ASB18: variants seen among roughly 807,000 people sequenced by gnomAD.
The protein encoded by ASB18 is ankyrin repeat and SOCS box protein 18.
A neutral mutation model predicts 33.4 loss-of-function variants in ASB18; 33 were observed. The observed-to-expected ratio is 0.99, with a 90% confidence interval of 0.75 to 1.32. ASB18 has a LOEUF of 1.32. ASB18 is among the 40% of genes most tolerant of loss of function. The pLI is 0.00. For missense variants in ASB18, 694 were observed against 655.5 expected, an observed-to-expected ratio of 1.06 and a Z score of -0.64; for synonymous variants, 295 against 307.6, an observed-to-expected ratio of 0.96 and a Z score of 0.43.
chr2:236,240,549 G>A (rs1381713577), intron 2 of ASB18, among the ~76,000 whole-genome samples: 1 of 152,248 alleles, frequency 6.6e-6, no homozygotes, highest in Admixed American at 6.5e-5. Context: ...CTGAGCTGGT[G>A]GCGGGTGGGG....
rs7582861 is a variant in ASB18 at position 236,221,244 on chromosome 2, A to G, written c.597-6378T>C. Among the ~76,000 whole-genome samples, 152 of 141,490 alleles carry G rather than the reference A, an allele frequency of 1.1e-3. No individual in the cohort carries two copies. Among genetic ancestry groups the G allele is most frequent in the African/African-American group, 3.9e-3 (147 of 38,126 alleles). The allele number at this position is 141,490 out of a possible 152,430, so 92.8% of individuals were successfully genotyped here. A position where few individuals can be genotyped will look rare whatever the true frequency, so the allele number is the denominator to read the frequency against. The stretch of plus-strand genomic sequence containing the variant: ...GCAATGCAACAACAACAACAACAAC[A>G]ACAAACAGCTGCTAAAAATAAGGCT... On this transcript the variant is annotated intron_variant, in intron 3 of 5. Transcript: ENST00000409749. This position sits in a 1 kb window ranked among gnomAD's most constrained non-coding sequence, Gnocchi z 5.6.
chr2:236,224,588 A>G (rs1385282410), intron 3 of ASB18, among the ~76,000 whole-genome samples: 1 of 152,182 alleles, frequency 6.6e-6, no homozygotes, highest in Non-Finnish European at 1.5e-5. Flanking sequence ...AGGAGATGCA[A>G]TCTTTTAGCA....
At position 236,249,787 on chromosome 2, in the gene ASB18, G is replaced by A. The variant is rs1370922565; in HGVS notation, c.206-8385C>T. ...AGTGAATTTAGGAAAAGGAAGGCAA[G>A]AATCCAAGCAGGAGAGGAGGCCCGG... On this transcript the variant is annotated intron_variant, in intron 1 of 5. Coordinates refer to ENST00000409749, the MANE Select transcript of ASB18 (RefSeq NM_212556.4). The surrounding 1 kb of genome is among the most constrained non-coding windows in gnomAD (Gnocchi z 4.6). 6.6e-6 allele frequency: 1 copy of A among 152,152 alleles called. No individual in the cohort carries two copies. The highest frequency in any genetic ancestry group is 1.5e-5 in the Non-Finnish European group (1 of 68,036). 9.4% of individuals were successfully genotyped at this position (152,152 alleles called of 1,614,324 possible). A position where few individuals can be genotyped will look rare whatever the true frequency, so the allele number is the denominator to read the frequency against.
At position 236,259,288 on chromosome 2, in the gene ASB18, A is replaced by G. The variant is rs2317421; in HGVS notation, c.205+4853T>C. ...CAGCTGAAGGTGAGCAAAGGAGCTTAGCTCTTCCATGCCAATCACTGCACC... is the reference window on the plus strand; with the variant it reads ...CAGCTGAAGGTGAGCAAAGGAGCTTGGCTCTTCCATGCCAATCACTGCACC... On this transcript the variant is annotated intron_variant, in intron 1 of 5. Transcript: ENST00000409749. The surrounding 1 kb of genome is among the most constrained non-coding windows in gnomAD (Gnocchi z 4.4). Among the ~76,000 whole-genome samples the G allele has an allele frequency of 0.094, 14,367 of 152,254 alleles. 1,213 individuals are homozygous for G. The highest frequency in any genetic ancestry group is 0.23 in the African/African-American group (9,485 of 41,526).
rs2060493353 is a variant in ASB18 at position 236,217,457 on chromosome 2, G to A, written c.597-2591C>T. 6.6e-6 allele frequency among the ~76,000 whole-genome samples: 1 copy of A among 151,778 alleles called. No homozygotes were observed. The highest frequency in any genetic ancestry group is 2.4e-5 in the African/African-American group (1 of 41,240). On this transcript the variant is annotated intron_variant, in intron 3 of 5. Transcript: ENST00000409749. The surrounding 1 kb of genome is among the most constrained non-coding windows in gnomAD (Gnocchi z 5.2). ...TCTTGGCACCTTCAACTCCTTGGGT[G>A]TAGAAATGGAGGCTTTGTTTATCTC... is the stretch of plus-strand genomic sequence containing the variant.
At position 236,263,970 on chromosome 2, in the gene ASB18, T is replaced by C. The variant is rs1304440750; in HGVS notation, c.205+171A>G. On this transcript the variant is annotated intron_variant, in intron 1 of 5. Coordinates refer to ENST00000409749, the MANE Select transcript of ASB18 (RefSeq NM_212556.4). The surrounding 1 kb of genome is among the most constrained non-coding windows in gnomAD (Gnocchi z 4.0). ...ACTTGTTGCTTATGTCGCACACGCATGTACATGGTCTATGCAGTACACATA... is the reference window on the plus strand; with the variant it reads ...ACTTGTTGCTTATGTCGCACACGCACGTACATGGTCTATGCAGTACACATA... Among the ~76,000 whole-genome samples the C allele has an allele frequency of 6.6e-6, 1 of 152,236 alleles. No individual in the cohort carries two copies. The highest frequency in any genetic ancestry group is 1.5e-5 in the Non-Finnish European group (1 of 68,046).
chr2:236,195,952 C>G lies in ASB18; in HGVS notation c.1215+320G>C. On this transcript the variant is annotated intron_variant, in intron 5 of 5. Transcript: ENST00000409749. The surrounding 1 kb of genome is among the most constrained non-coding windows in gnomAD (Gnocchi z 5.5). The stretch of plus-strand genomic sequence containing the variant: ...ACAGGGCCGGATTAGTATGTCCTGA[C>G]GTGGAGCTAGGCCCGTGGATTCAGG... The G allele has an allele frequency of 2.6e-6, 1 of 389,238 alleles. No individual in the cohort carries two copies. The highest frequency in any genetic ancestry group is 2.1e-5 in the African/African-American group (1 of 48,316). 24.1% of individuals were successfully genotyped at this position (389,238 alleles called of 1,614,324 possible). A position where few individuals can be genotyped will look rare whatever the true frequency, so the allele number is the denominator to read the frequency against.
At position 236,259,515 on chromosome 2, in the gene ASB18, C is replaced by A. The variant is rs552978486; in HGVS notation, c.205+4626G>T. On this transcript the variant is annotated intron_variant, in intron 1 of 5. Transcript: ENST00000409749. This position sits in a 1 kb window ranked among gnomAD's most constrained non-coding sequence, Gnocchi z 4.4. ...TTTATGCTTTCATGCAGGGAGGATGCACGATTTCTGTCCCAGTGGGAAGGG... is the reference window on the plus strand; with the variant it reads ...TTTATGCTTTCATGCAGGGAGGATGAACGATTTCTGTCCCAGTGGGAAGGG... The A allele has an allele frequency of 2.1e-6, 1 of 470,936 alleles. No individual in the cohort carries two copies. The highest frequency in any genetic ancestry group is 2.0e-5 in the African/African-American group (1 of 50,088). The allele number at this position is 470,936 out of a possible 1,614,324, so 29.2% of individuals were successfully genotyped here.
At position 236,255,617 on chromosome 2, in the gene ASB18, T is replaced by G. The variant is rs1293974858; in HGVS notation, c.205+8524A>C. 6.6e-6 allele frequency among the ~76,000 whole-genome samples: 1 copy of G among 152,240 alleles called. No homozygotes were observed. Among genetic ancestry groups the G allele is most frequent in the East Asian group, 1.9e-4 (1 of 5,200 alleles). On this transcript the variant is annotated intron_variant, in intron 1 of 5. Coordinates refer to ENST00000409749, the MANE Select transcript of ASB18 (RefSeq NM_212556.4). This position sits in a 1 kb window ranked among gnomAD's most constrained non-coding sequence, Gnocchi z 4.4. ...CTCTCCTGGCACCTGTCCTTTCTCC[T>G]CTATCTTCTGCTTTACCTAAGTAAA...
At chr2:236,230,759 A>G (rs2060560369) in intron 3 of ASB18, among the ~76,000 whole-genome samples, 1 of 151,842 alleles carries the variant, frequency 6.6e-6, no homozygotes, top group Admixed American at 6.6e-5. Context: ...AGATAAAATG[A>G]AATCATTAAA....
chr2:236,206,051 G>A (rs892762240), intron 4 of ASB18, among the ~76,000 whole-genome samples: 4 of 152,186 alleles, frequency 2.6e-5, no homozygotes, highest in Admixed American at 2.6e-4. Flanking sequence ...GACTTTCAGT[G>A]CAGCTAAGTT....
rs558445681 is a variant in ASB18 at position 236,260,072 on chromosome 2, T to G, written c.205+4069A>C. On this transcript the variant is annotated intron_variant, in intron 1 of 5. Transcript: ENST00000409749. This position sits in a 1 kb window ranked among gnomAD's most constrained non-coding sequence, Gnocchi z 5.1. ...TAAGTTCACAGGCCGATGAGCATGG[T>G]GATTGCACTGCAAGAGGCAAGGTCC... 2.0e-5 allele frequency among the ~76,000 whole-genome samples: 3 copies of G among 152,360 alleles called. No individual in the cohort carries two copies. In the South Asian group the frequency reaches 6.2e-4, roughly 32 times the overall value.
At position 236,264,307 on chromosome 2, in the gene ASB18, GTT is replaced by G. The variant is rs779720714; in HGVS notation, c.37_38del (p.Asn13LeufsTer16). 6.2e-7 allele frequency: 1 copy of G among 1,614,006 alleles called. No individual in the cohort carries two copies. Among genetic ancestry groups the G allele is most frequent in the South Asian group, 1.1e-5 (1 of 91,086 alleles). On this transcript the variant is annotated frameshift_variant, in exon 1 of 6. Coordinates refer to ENST00000409749, the MANE Select transcript of ASB18 (RefSeq NM_212556.4). LOFTEE classifies it high-confidence loss of function. The surrounding 1 kb of genome is among the most constrained non-coding windows in gnomAD (Gnocchi z 5.1). ...NSDYLPDYPLNSDLVKRLKSA... is the reference protein window; with the variant it reads ...NSDYLPDYPLXSDLVKRLKSA... ...ACTTTAATCTCTTCACTAAATCTGA[GTT>G]GAGTGGGTAGTCGGGAAGGTAATCC... is the stretch of plus-strand genomic sequence containing the variant.
In ASB18 at chr2:236,245,506, G is replaced by A. The variant is rs1240137098; in HGVS notation, c.206-4104C>T. Among the ~76,000 whole-genome samples, 1 of 152,202 alleles carries A rather than the reference G, an allele frequency of 6.6e-6. No individual in the cohort carries two copies. The highest frequency in any genetic ancestry group is 2.4e-5 in the African/African-American group (1 of 41,450). On this transcript the variant is annotated intron_variant, in intron 1 of 5. Coordinates refer to ENST00000409749, the MANE Select transcript of ASB18 (RefSeq NM_212556.4). This position sits in a 1 kb window ranked among gnomAD's most constrained non-coding sequence, Gnocchi z 4.7. The stretch of plus-strand genomic sequence containing the variant: ...TATAGGGGTCTGCAGTCCCCAGATA[G>A]TGCCTTCGTCTCTCCAGGTGTCTGT...
At chr2:236,198,506 T>A (rs2106262116) in intron 4 of ASB18, among the ~76,000 whole-genome samples, 1 of 152,278 alleles carries the variant, frequency 6.6e-6, no homozygotes, top group African/African-American at 2.4e-5. Flanking sequence ...TAGCTGGGAC[T>A]ACAGGCAGGT....
At position 236,234,898 on chromosome 2, in the gene ASB18, A is replaced by G. The variant is rs2060581706; in HGVS notation, c.596+2791T>C. Among the ~76,000 whole-genome samples the G allele has an allele frequency of 6.6e-6, 1 of 152,204 alleles. No individual in the cohort carries two copies. Among genetic ancestry groups the G allele is most frequent in the Non-Finnish European group, 1.5e-5 (1 of 68,028 alleles). ...TTGGGTTAGGCAGATTTTTTTTTAG[A>G]TATCATAACCCAACCTAATCCTTAA... On this transcript the variant is annotated intron_variant, in intron 3 of 5. Transcript: ENST00000409749. This position sits in a 1 kb window ranked among gnomAD's most constrained non-coding sequence, Gnocchi z 4.1.
chr2:236,241,876 A>G lies in ASB18; in HGVS notation c.206-474T>C, dbSNP rs568699096. 1.3e-5 allele frequency among the ~76,000 whole-genome samples: 2 copies of G among 152,172 alleles called. No homozygotes were observed. Among genetic ancestry groups the G allele is most frequent in the Non-Finnish European group, 2.9e-5 (2 of 68,038 alleles). On this transcript the variant is annotated intron_variant, in intron 1 of 5. Coordinates refer to ENST00000409749, the MANE Select transcript of ASB18 (RefSeq NM_212556.4). This position sits in a 1 kb window ranked among gnomAD's most constrained non-coding sequence, Gnocchi z 4.2. Reference sequence around the variant, plus strand: ...CCTGCTGTTGGGCAGATGATTCCCCAGTCTTAAATAGCATTGCATTTACCT... The same window carrying G: ...CCTGCTGTTGGGCAGATGATTCCCCGGTCTTAAATAGCATTGCATTTACCT...
chr2:236,239,329 G>C lies in ASB18; in HGVS notation c.329-1373C>G, dbSNP rs1207849507. Reference sequence around the variant, plus strand: ...CTCAGTAAACCCACCCTGGATTCCTGAGTCTTCTCAGGGACTGATGGGGAG... The same window carrying C: ...CTCAGTAAACCCACCCTGGATTCCTCAGTCTTCTCAGGGACTGATGGGGAG... On this transcript the variant is annotated intron_variant, in intron 2 of 5. Coordinates refer to ENST00000409749, the MANE Select transcript of ASB18 (RefSeq NM_212556.4). The surrounding 1 kb of genome is among the most constrained non-coding windows in gnomAD (Gnocchi z 5.6). Among the ~76,000 whole-genome samples the C allele has an allele frequency of 2.0e-5, 3 of 151,730 alleles. No individual in the cohort carries two copies. Among genetic ancestry groups the C allele is most frequent in the Non-Finnish European group, 2.9e-5 (2 of 67,968 alleles).
In ASB18 at chr2:236,228,733, A is replaced by G. The variant is rs2060552032; in HGVS notation, c.596+8956T>C. Among the ~76,000 whole-genome samples the G allele has an allele frequency of 6.6e-6, 1 of 152,124 alleles. No homozygotes were observed. Among genetic ancestry groups the G allele is most frequent in the Admixed American group, 6.5e-5 (1 of 15,274 alleles). ...ACCTTATAAATAATTAGGTATGGAG[A>G]GAGTACCAAAAAGAGTTGTCTCAGT... On this transcript the variant is annotated intron_variant, in intron 3 of 5. Coordinates refer to ENST00000409749, the MANE Select transcript of ASB18 (RefSeq NM_212556.4). The surrounding 1 kb of genome is among the most constrained non-coding windows in gnomAD (Gnocchi z 5.1).
Sources: gnomAD v4.1 joint callset for allele counts (sites outside exome capture counted in the v4.1 genomes callset) on GRCh38, gnomAD v4.1.1 for gene constraint, Gnocchi (gnomAD v3.1) non-coding constraint, MANE v1.5 for transcripts, NCBI Gene and HGNC (gene_info 2026-07-23, HGNC 2026-07-21) for gene names.